The following MAML2 variants were observed in gnomAD, a reference collection of about 807,000 sequenced individuals.
The protein encoded by MAML2 is mastermind like transcriptional coactivator 2, also known as mastermind-like protein 2.
Under a neutral mutation model 96.1 loss-of-function variants are expected in MAML2, and 22 were observed. The observed-to-expected ratio is 0.23, with a 90% CI of 0.16 to 0.33. MAML2 has a LOEUF of 0.33. Ranked by LOEUF, MAML2 falls within the 10% of genes least tolerant of loss-of-function variation. MAML2 has a pLI of 1.00. For missense variants in MAML2, 1,367 were observed against 1,392.4 expected (o/e 0.98, Z 0.29); for synonymous variants, 561 against 521.3 (o/e 1.08, Z -1.04).
At chr11:95,985,265 A>G (rs989451496) in intron 4 of MAML2, among the ~76,000 whole-genome samples, 2 of 152,204 alleles carry the variant, frequency 1.3e-5, no homozygotes, top group Non-Finnish European at 2.9e-5. Flanking sequence ...AGAATGATTG[A>G]ACCTAACAGA....
At chr11:96,315,754 A>G (rs979403626) in intron 1 of MAML2, among the ~76,000 whole-genome samples, 1 of 152,198 alleles carries the variant, frequency 6.6e-6, no homozygotes, top group Non-Finnish European at 1.5e-5. Context: ...AAAGCCTCCT[A>G]CCATCCTCTC....
chr11:96,209,595 A>C (rs1310660261), intron 1 of MAML2, among the ~76,000 whole-genome samples: 1 of 42,350 alleles, frequency 2.4e-5, no homozygotes, highest in Non-Finnish European at 4.7e-5. Flanking sequence ...CAAACAAACA[A>C]ACAAACAAAC....
intron 2 of MAML2, among the ~76,000 whole-genome samples, chr11:96,025,567 T>G (rs1281002936): frequency 6.6e-6 from 1 of 152,212 alleles, no homozygotes; most frequent in African/African-American, 2.4e-5. Flanking sequence ...TTGTTATTAT[T>G]ATTTGAGATG....
chr11:96,124,239 T>C (rs1279872562), intron 1 of MAML2, among the ~76,000 whole-genome samples: 3 of 152,110 alleles, frequency 2.0e-5, no homozygotes, highest in Non-Finnish European at 4.4e-5. Flanking sequence ...ATTTATCTTC[T>C]CTCCCTCTCT....
chr11:96,158,700 G>T (rs117965402), intron 1 of MAML2, among the ~76,000 whole-genome samples: 2 of 152,140 alleles, frequency 1.3e-5, no homozygotes, highest in African/African-American at 4.8e-5. Flanking sequence ...ACTAGTCTGG[G>T]CATTTGCTGC....
chr11:96,268,942 C>T lies in MAML2; in HGVS notation c.513+72441G>A, dbSNP rs546114368. Among the ~76,000 whole-genome samples, 15 of 144,720 alleles carry T rather than the reference C, an allele frequency of 1.0e-4. 4 individuals are homozygous for T. The highest frequency in any genetic ancestry group is 2.9e-4 in the Admixed American group (4 of 13,658). The allele number at this position is 144,720 out of a possible 152,430, so 94.9% of individuals were successfully genotyped here. On this transcript the variant is annotated intron_variant, in intron 1 of 4. Coordinates refer to ENST00000524717, the MANE Select transcript of MAML2 (RefSeq NM_032427.4). ...TTGGCAGCAAGAGAAGAGATTAATACAGTATATACATCAAGCAAACACTAA... is the reference window on the plus strand; with the variant it reads ...TTGGCAGCAAGAGAAGAGATTAATATAGTATATACATCAAGCAAACACTAA...
chr11:96,129,181 C>T (rs1357996545), intron 1 of MAML2, among the ~76,000 whole-genome samples: 1 of 152,140 alleles, frequency 6.6e-6, no homozygotes, highest in Non-Finnish European at 1.5e-5. Flanking sequence ...CTATACCAGT[C>T]TGAAAAATGG....
At chr11:96,051,032 G>A (rs1443822537) in intron 2 of MAML2, among the ~76,000 whole-genome samples, 2 of 145,294 alleles carry the variant, frequency 1.4e-5, no homozygotes, top group African/African-American at 4.9e-5. Context: ...TCCCCCTGCT[G>A]GCTGTTGCAT....
intron 2 of MAML2, among the ~76,000 whole-genome samples, chr11:96,010,730 G>T (rs1858253800): frequency 6.6e-6 from 1 of 152,194 alleles, no homozygotes; most frequent in South Asian, 2.1e-4. Flanking sequence ...GATTGCATTT[G>T]TTAGAAAGAG....
At chr11:96,028,965 CCA>C (rs1459527775) in intron 2 of MAML2, among the ~76,000 whole-genome samples, 1 of 152,050 alleles carries the variant, frequency 6.6e-6, no homozygotes, top group Non-Finnish European at 1.5e-5. Flanking sequence ...GTTGCTTTTG[CCA>C]GATTTATGGC....
At chr11:96,325,253 C>T (rs141470823) in intron 1 of MAML2, among the ~76,000 whole-genome samples, 1 of 152,102 alleles carries the variant, frequency 6.6e-6, no homozygotes, top group African/African-American at 2.4e-5. Flanking sequence ...TGCATAGGTC[C>T]AGGAGCCCCA....
intron 1 of MAML2, among the ~76,000 whole-genome samples, chr11:96,307,356 T>C (rs1023327089): frequency 3.3e-5 from 5 of 152,224 alleles, no homozygotes; most frequent in Non-Finnish European, 5.9e-5. Context: ...GTTTTACTTA[T>C]GCTTTTACTG....
intron 1 of MAML2, among the ~76,000 whole-genome samples, chr11:96,145,828 C>A (rs968767229): frequency 2.6e-5 from 4 of 151,954 alleles, no homozygotes; most frequent in African/African-American, 9.7e-5. Context: ...GCCAACATGG[C>A]GAAACCCCGT....
intron 1 of MAML2, among the ~76,000 whole-genome samples, chr11:96,204,924 A>G (rs1326748250): frequency 1.3e-5 from 2 of 152,152 alleles, no homozygotes; most frequent in Non-Finnish European, 2.9e-5. Flanking sequence ...TTCTTATTAC[A>G]TTGATCGGAG....
chr11:96,159,907 C>T (rs1446220462), intron 1 of MAML2, among the ~76,000 whole-genome samples: 2 of 152,176 alleles, frequency 1.3e-5, no homozygotes, highest in Non-Finnish European at 2.9e-5. Context: ...ACTCCTAACC[C>T]ACTGCCTCTA....
intron 1 of MAML2, among the ~76,000 whole-genome samples, chr11:96,321,377 C>T (rs554715241): frequency 3.2e-4 from 49 of 152,334 alleles, no homozygotes; most frequent in African/African-American, 1.1e-3. Flanking sequence ...CTAAAGCTCC[C>T]GCTTGAAGGC....
chr11:96,123,518 C>T (rs1303729587), intron 1 of MAML2, among the ~76,000 whole-genome samples: 1 of 152,210 alleles, frequency 6.6e-6, no homozygotes, highest in African/African-American at 2.4e-5. Flanking sequence ...TGGTCACATG[C>T]AGTGCCCCCA....
intron 1 of MAML2, among the ~76,000 whole-genome samples, chr11:96,135,259 C>T (rs1205975458): frequency 1.3e-5 from 2 of 152,192 alleles, no homozygotes; most frequent in African/African-American, 4.8e-5. Flanking sequence ...AGCAAGATGG[C>T]ACCTTACAAG....
intron 1 of MAML2, among the ~76,000 whole-genome samples, chr11:96,242,659 G>GAA (rs138615068): frequency 6.6e-6 from 1 of 150,764 alleles, no homozygotes; most frequent in African/African-American, 2.4e-5. Flanking sequence ...AGCTTAAAGA[G>GAA]AAAAAAAAAG....
Sources: gnomAD v4.1 joint callset for allele counts (sites outside exome capture counted in the v4.1 genomes callset) on GRCh38, gnomAD v4.1.1 for gene constraint, MANE v1.5 for transcripts, NCBI Gene and HGNC (gene_info 2026-07-23, HGNC 2026-07-21) for gene names.